The following MAP4 variants were observed in gnomAD, a reference collection of about 807,000 sequenced individuals.
MAP4 encodes microtubule associated protein 4, also known as microtubule-associated protein 4.
In MAP4, 76 loss-of-function variants were observed where a neutral mutation model predicts 170.2. The ratio of observed to expected loss-of-function variants is 0.45; its 90% CI spans 0.37 to 0.54. The LOEUF is 0.54. Among genes scored for constraint, MAP4 ranks in the 20% least tolerant of loss-of-function variants. MAP4 has a pLI of 0.00. For synonymous variants in MAP4, 909 were observed against 994.5 expected, an observed-to-expected ratio of 0.91 and a Z score of 1.62; for missense variants, 2,506 against 2,748.0, an observed-to-expected ratio of 0.91 and a Z score of 1.97.
At chr3:47,998,077 T>C (rs945149794) in intron 2 of MAP4, among the ~76,000 whole-genome samples, 2 of 152,212 alleles carry the variant, frequency 1.3e-5, no homozygotes, top group East Asian at 1.9e-4. Context: ...TCCCAATTCA[T>C]TTTATGAAGT....
In MAP4 at chr3:47,977,884, T is replaced by C. The variant is rs1043006535; in HGVS notation, c.273A>G (p.Val91=). ...PTLLANGGHG[V]EGSDTTGSPT... is the part of the protein sequence containing the mutation. Reference sequence around the variant, plus strand: ...ACTTACCTGTAGTATCGCTCCCTTCTACTCCATGACCACCATTGGCTAGGA... The same window carrying C: ...ACTTACCTGTAGTATCGCTCCCTTCCACTCCATGACCACCATTGGCTAGGA... The change falls in exon 3 of 21, where the codon GTA becomes GTG. Residue 91 remains valine, a synonymous_variant. Coordinates refer to ENST00000683076, the MANE Select transcript of MAP4 (RefSeq NM_001385682.1). 8 of 1,612,788 alleles carry C rather than the reference T, an allele frequency of 5.0e-6. No individual in the cohort carries two copies. In the Admixed American group the frequency reaches 1.2e-4, roughly 24 times the overall value.
intron 17 of MAP4, among the ~76,000 whole-genome samples, chr3:47,866,253 A>C (rs2079615755): frequency 6.6e-6 from 1 of 150,520 alleles, no homozygotes; most frequent in Non-Finnish European, 1.5e-5. Context: ...AGGAGAATTG[A>C]CTGACCCTGG....
intron 10 of MAP4, chr3:47,877,850 TCTCCAAGCAATAGGA>T (rs1270193888): frequency 6.0e-6 from 1 of 167,014 alleles, no homozygotes; most frequent in Non-Finnish European, 1.3e-5. Context: ...AACCACTAGC[TCTCCAAGCAATAGGA>T]CAAAAACCTC....
At chr3:47,872,748 T>C (rs972952429) in intron 12 of MAP4, among the ~76,000 whole-genome samples, 3 of 151,768 alleles carry the variant, frequency 2.0e-5, no homozygotes, top group South Asian at 2.1e-4. Flanking sequence ...ATATATATCA[T>C]ACACACACAC....
intron 3 of MAP4, among the ~76,000 whole-genome samples, chr3:47,931,481 T>C (rs1265055630): frequency 6.6e-6 from 1 of 152,082 alleles, no homozygotes; most frequent in Non-Finnish European, 1.5e-5. Flanking sequence ...TCAAAGTTGC[T>C]CTTTTTTTGT....
At chr3:48,087,263 T>C (rs1187621646) in intron 1 of MAP4, among the ~76,000 whole-genome samples, 5 of 152,178 alleles carry the variant, frequency 3.3e-5, no homozygotes, top group African/African-American at 1.2e-4. Flanking sequence ...GCAAGTAAAG[T>C]ACACACTGCA....
chr3:47,892,202 C>A (rs1433753041), intron 10 of MAP4: 1 of 1,536,400 alleles, frequency 6.5e-7, no homozygotes, highest in Non-Finnish European at 8.7e-7. Context: ...GGCTTCTTGA[C>A]AGTCCTTGTC....
chr3:47,900,450 C>A (rs2100029393), intron 10 of MAP4, among the ~76,000 whole-genome samples: 1 of 152,046 alleles, frequency 6.6e-6, no homozygotes, highest in Admixed American at 6.6e-5. Flanking sequence ...GATAAGAAAT[C>A]CTCTAAAGGC....
At chr3:47,946,919 G>A (rs1392652202) in intron 3 of MAP4, among the ~76,000 whole-genome samples, 2 of 152,018 alleles carry the variant, frequency 1.3e-5, no homozygotes, top group Admixed American at 6.6e-5. Flanking sequence ...TTTACAAGTA[G>A]CCATAATCAA....
chr3:47,943,938 CT>C (rs780961103), intron 3 of MAP4, among the ~76,000 whole-genome samples: 2 of 152,036 alleles, frequency 1.3e-5, no homozygotes, highest in East Asian at 1.9e-4. Context: ...AGTATTCTAC[CT>C]CCTACAACAC....
intron 1 of MAP4, among the ~76,000 whole-genome samples, chr3:48,011,301 G>A (rs908173431): frequency 1.3e-5 from 2 of 152,120 alleles, no homozygotes; most frequent in African/African-American, 4.8e-5. Context: ...GGCCAAGGCG[G>A]GTGGATCACT....
chr3:48,058,867 C>G (rs945530993), intron 1 of MAP4, among the ~76,000 whole-genome samples: 1 of 152,148 alleles, frequency 6.6e-6, no homozygotes, highest in African/African-American at 2.4e-5. Flanking sequence ...GCAACCTCCA[C>G]CTCCTGGGTT....
chr3:47,994,006 C>T (rs191095043), intron 2 of MAP4, among the ~76,000 whole-genome samples: 1 of 152,262 alleles, frequency 6.6e-6, no homozygotes, highest in Non-Finnish European at 1.5e-5. Flanking sequence ...CATTAGGCAA[C>T]CACCTTACAA....
intron 1 of MAP4, among the ~76,000 whole-genome samples, chr3:48,085,271 C>T (rs2100148532): frequency 1.3e-5 from 2 of 148,598 alleles, no homozygotes; most frequent in South Asian, 2.1e-4. Context: ...GATTGATCAC[C>T]AAATTCAGAA....
chr3:47,893,362 A>T (rs2100025093), intron 10 of MAP4, among the ~76,000 whole-genome samples: 1 of 152,120 alleles, frequency 6.6e-6, no homozygotes, highest in Admixed American at 6.6e-5. Context: ...TCCACTACCA[A>T]GCCCTGCTCT....
chr3:47,950,668 C>A (rs1046361200), intron 3 of MAP4, among the ~76,000 whole-genome samples: 2 of 151,874 alleles, frequency 1.3e-5, no homozygotes, highest in South Asian at 4.2e-4. Context: ...TAAGGTCTGG[C>A]GCTTGAAAGA....
At chr3:47,893,026 TAAA>T (rs35541072) in intron 10 of MAP4, among the ~76,000 whole-genome samples, 2 of 118,176 alleles carry the variant, frequency 1.7e-5, no homozygotes, top group Non-Finnish European at 1.8e-5. Context: ...AAAATTGGAC[TAAA>T]AAAAAAAAAA....
chr3:47,870,751 G>T, intron 15 of MAP4, 62 bp downstream of exon 15: 2 of 1,470,572 alleles, frequency 1.4e-6, no homozygotes, highest in Non-Finnish European at 1.8e-6. Context: ...GGAACAGTGG[G>T]TGGAAATGGA....
intron 3 of MAP4, among the ~76,000 whole-genome samples, chr3:47,938,505 C>G (rs1178379694): frequency 6.6e-6 from 1 of 152,220 alleles, no homozygotes; most frequent in African/African-American, 2.4e-5. Flanking sequence ...TCTCCAGTAG[C>G]TAAGGACACA....
Sources: gnomAD v4.1 joint callset for allele counts (sites outside exome capture counted in the v4.1 genomes callset) on GRCh38, gnomAD v4.1.1 for gene constraint, MANE v1.5 for transcripts, NCBI Gene and HGNC (gene_info 2026-07-23, HGNC 2026-07-21) for gene names.